Variants in SEZ6L observed in about 807,000 individuals in gnomAD.
SEZ6L encodes seizure related 6 homolog like.
In SEZ6L, 37 loss-of-function variants were observed where a neutral mutation model predicts 106.2. That is an observed-to-expected ratio of 0.35 (90% CI 0.27 to 0.46). SEZ6L has a LOEUF of 0.46. SEZ6L is among the 20% of genes least tolerant of loss of function. The pLI, the probability that SEZ6L is intolerant of heterozygous loss-of-function variation, is 1.00. For missense variants in SEZ6L, 1,172 were observed against 1,332.8 expected, an observed-to-expected ratio of 0.88 and a Z score of 1.88; for synonymous variants, 541 against 570.4, an observed-to-expected ratio of 0.95 and a Z score of 0.73.
At position 26,311,893 on chromosome 22, in the gene SEZ6L, G is replaced by A. The variant is rs1416661263; in HGVS notation, c.1807G>A (p.Gly603Ser). The change falls in exon 8 of 17, where the codon GGC becomes AGC. Residue 603 changes from glycine (G) to serine (S), a missense_variant. Coordinates refer to ENST00000248933, the MANE Select transcript of SEZ6L (RefSeq NM_021115.5). ...CGACCCCGGCCACTCCCTGGAGCAGGGCCCGGCCATCATCGAATGCATCAA... is the reference window on the plus strand; with the variant it reads ...CGACCCCGGCCACTCCCTGGAGCAGAGCCCGGCCATCATCGAATGCATCAA... ...TCDPGHSLEQ[G>S]PAIIECINVR... 2 of 1,614,154 alleles carry A rather than the reference G, an allele frequency of 1.2e-6. No individual in the cohort carries two copies. The highest frequency in any genetic ancestry group is 8.5e-7 in the Non-Finnish European group (1 of 1,180,028).
intron 1 of SEZ6L, among the ~76,000 whole-genome samples, chr22:26,212,931 G>A (rs149945678): frequency 2.6e-5 from 4 of 152,182 alleles, no homozygotes; most frequent in Non-Finnish European, 5.9e-5. Flanking sequence ...TGCTTGGGAT[G>A]GGGGTTGGCA....
intron 1 of SEZ6L, among the ~76,000 whole-genome samples, chr22:26,224,948 G>A (rs2078592695): frequency 6.6e-6 from 1 of 152,056 alleles, no homozygotes. Context: ...TGTTTTAGAT[G>A]TGCCACTAGC....
intron 1 of SEZ6L, among the ~76,000 whole-genome samples, chr22:26,224,804 G>A (rs550113617): frequency 1.3e-5 from 2 of 152,286 alleles, no homozygotes; most frequent in East Asian, 3.9e-4. Context: ...TTAGGTAGAT[G>A]TTGATAACCT....
chr22:26,377,787 T>C lies in SEZ6L; in HGVS notation c.3045+12T>C. 2 of 1,561,750 alleles carry C rather than the reference T, an allele frequency of 1.3e-6. No individual in the cohort carries two copies. Among genetic ancestry groups the C allele is most frequent in the South Asian group, 2.2e-5 (2 of 90,014 alleles). On this transcript the variant is annotated intron_variant, in intron 16 of 16. Transcript: ENST00000248933. ...TTTACGAGACAGGGGTGAGTTGGTC[T>C]CTCTCGTCTCTTCCCAATTCCCTCC...
chr22:26,298,399 GCTCTTTCTCTGTATTAT>G (rs2081360598), intron 4 of SEZ6L, among the ~76,000 whole-genome samples: 1 of 152,164 alleles, frequency 6.6e-6, no homozygotes, highest in Non-Finnish European at 1.5e-5. Context: ...TGCGAAGGAG[GCTCTTTCTCTGTATTAT>G]CTCATTTAAT....
At chr22:26,223,102 C>G (rs910427901) in intron 1 of SEZ6L, among the ~76,000 whole-genome samples, 1 of 152,118 alleles carries the variant, frequency 6.6e-6, no homozygotes, top group Non-Finnish European at 1.5e-5. Context: ...CCACCTCCAC[C>G]GTAGGAGTTG....
intron 1 of SEZ6L, among the ~76,000 whole-genome samples, chr22:26,255,432 T>A (rs1172917600): frequency 2.0e-5 from 3 of 152,130 alleles, no homozygotes; most frequent in African/African-American, 7.2e-5. Flanking sequence ...CAAAGTGGTG[T>A]CTCCAAACAA....
intron 1 of SEZ6L, among the ~76,000 whole-genome samples, chr22:26,206,345 A>G (rs1602028753): frequency 6.6e-6 from 1 of 152,154 alleles, no homozygotes; most frequent in African/African-American, 2.4e-5. Context: ...ACCCCCTATG[A>G]TCCAAGAGTT....
chr22:26,283,967 A>C (rs1358064986), intron 1 of SEZ6L, among the ~76,000 whole-genome samples: 1 of 152,240 alleles, frequency 6.6e-6, no homozygotes, highest in Non-Finnish European at 1.5e-5. Flanking sequence ...GTTACAGAAC[A>C]ATATATGCCA....
chr22:26,227,308 T>G (rs2331215), intron 1 of SEZ6L, among the ~76,000 whole-genome samples: 127,517 of 152,202 alleles, frequency 0.84, 53,697 homozygotes, highest in East Asian at 1. Context: ...CATCCCAAGG[T>G]TTTATTCTGA....
chr22:26,303,704 G>T (rs1377147457), intron 5 of SEZ6L, among the ~76,000 whole-genome samples: 2 of 152,146 alleles, frequency 1.3e-5, no homozygotes, highest in African/African-American at 2.4e-5. Context: ...GAGCTCTTCT[G>T]GTTGCTGGTA....
chr22:26,293,199 CT>C, intron 2 of SEZ6L, 53 bp downstream of exon 2: 1 of 1,461,962 alleles, frequency 6.8e-7, no homozygotes, highest in Non-Finnish European at 9.0e-7. Flanking sequence ...GAGGCACTCA[CT>C]ATGTTCAGGG....
Position 26,306,013 on chromosome 22 carries a change from C to T in SEZ6L, c.1383C>T (p.Ile461=), listed in dbSNP as rs773816364. 1.1e-5 allele frequency: 17 copies of T among 1,584,066 alleles called. No individual in the cohort carries two copies. The highest frequency in any genetic ancestry group is 5.1e-5 in the Admixed American group (3 of 58,990). Residue 461 remains isoleucine (I), a synonymous_variant, in exon 6 of 17, where the codon ATC becomes ATT. Coordinates refer to ENST00000248933, the MANE Select transcript of SEZ6L (RefSeq NM_021115.5). ...PCGGAVHNAT[I]GRVLSPSYPE... ...GAGGGGCAGTGCACAATGCCACCAT[C>T]GGCCGCGTCCTCTCCCCAAGTTACC... is the stretch of plus-strand genomic sequence containing the variant.
intron 10 of SEZ6L, among the ~76,000 whole-genome samples, chr22:26,346,063 T>C (rs1310738305): frequency 6.6e-6 from 1 of 152,110 alleles, no homozygotes; most frequent in Non-Finnish European, 1.5e-5. Context: ...GGTCTCTCTC[T>C]GTCACCGAGC....
chr22:26,268,664 T>G (rs2080264778), intron 1 of SEZ6L, among the ~76,000 whole-genome samples: 1 of 152,176 alleles, frequency 6.6e-6, no homozygotes, highest in Admixed American at 6.5e-5. Flanking sequence ...GGATGTTTAA[T>G]TATTTGTTAT....
intron 1 of SEZ6L, among the ~76,000 whole-genome samples, chr22:26,210,407 A>G (rs1484994420): frequency 6.6e-6 from 1 of 152,044 alleles, no homozygotes; most frequent in Admixed American, 6.5e-5. Flanking sequence ...AATAAAGGAC[A>G]GAACATTAGG....
intron 1 of SEZ6L, among the ~76,000 whole-genome samples, chr22:26,171,533 G>A (rs968564942): frequency 3.9e-5 from 6 of 152,328 alleles, no homozygotes; most frequent in East Asian, 1.9e-4. Flanking sequence ...TTAATGGCAC[G>A]TATTGAATTG....
intron 1 of SEZ6L, among the ~76,000 whole-genome samples, chr22:26,287,796 G>A (rs575170694): frequency 1.3e-5 from 2 of 152,324 alleles, no homozygotes; most frequent in Non-Finnish European, 2.9e-5. Flanking sequence ...TATCATCTGT[G>A]TTGGACTTGG....
At chr22:26,304,386 AAGAAAG>A (rs971992307) in intron 5 of SEZ6L, among the ~76,000 whole-genome samples, 1 of 119,280 alleles carries the variant, frequency 8.4e-6, no homozygotes, top group African/African-American at 3.5e-5. Flanking sequence ...GAAAGAAAGA[AAGAAAG>A]AAAGAAAGAA....
Sources: gnomAD v4.1 joint callset for allele counts (sites outside exome capture counted in the v4.1 genomes callset) on GRCh38, gnomAD v4.1.1 for gene constraint, MANE v1.5 for transcripts, NCBI Gene and HGNC (gene_info 2026-07-23, HGNC 2026-07-21) for gene names.